INTS6L: variants seen among roughly 807,000 people sequenced by gnomAD.
The protein encoded by INTS6L is integrator complex subunit 6-like.
In INTS6L, 18 loss-of-function variants were observed where a neutral mutation model predicts 64.7. The observed-to-expected ratio is 0.28, with a 90% CI of 0.19 to 0.41. INTS6L has a LOEUF of 0.41. Among genes scored for constraint, INTS6L ranks in the 10% least tolerant of loss-of-function variants. The pLI, the probability that INTS6L is intolerant of heterozygous loss-of-function variation, is 1.00. For missense variants in INTS6L, 533 were observed against 661.0 expected (o/e 0.81, Z 2.12); for synonymous variants, 227 against 235.9 (o/e 0.96, Z 0.34).
intron 6 of INTS6L, 23 bp from the exon 7 acceptor site, chrX:135,549,618 GT>G (rs2086446869): frequency 8.4e-7 from 1 of 1,190,613 alleles, no homozygotes; most frequent in Non-Finnish European, 1.1e-6. Context: ...TCACGCCTTA[GT>G]TTGTCTTTTG....
chrX:135,575,785 AGT>A (rs10636685), intron 14 of INTS6L, among the ~76,000 whole-genome samples: 12,256 of 99,727 alleles, frequency 0.12, 986 homozygotes, highest in African/African-American at 0.28. Flanking sequence ...AAATGTGGGG[AGT>A]GTGTGTGTGT....
At chrX:135,577,153 T>G in intron 14 of INTS6L, 40 bp from the exon 15 acceptor site, 1 of 1,172,025 alleles carries the variant, frequency 8.5e-7, no homozygotes, top group East Asian at 3.0e-5. Context: ...TAGTGGAATT[T>G]TGGTCTTTAA....
At chrX:135,555,660 A>G (rs782480000) in intron 8 of INTS6L, among the ~76,000 whole-genome samples, 4 of 111,801 alleles carry the variant, frequency 3.6e-5, no homozygotes, top group African/African-American at 9.8e-5. Flanking sequence ...AATATAATTT[A>G]TAGGAGAATT....
At chrX:135,555,585 T>C (rs1399336310) in intron 8 of INTS6L, among the ~76,000 whole-genome samples, 1 of 112,368 alleles carries the variant, frequency 8.9e-6, no homozygotes, top group Non-Finnish European at 1.9e-5. Flanking sequence ...TAAGTAAATA[T>C]TTGGGTACTG....
chrX:135,577,395 C>T lies in INTS6L; in HGVS notation c.2087C>T (p.Pro696Leu), dbSNP rs782380206. The change falls in exon 15 of 18, where the codon CCA becomes CTA. Residue 696 changes from proline (P) to leucine (L), a missense_variant. Coordinates refer to ENST00000639893, the MANE Select transcript of INTS6L (RefSeq NM_001351601.3). ...PPSASWFPSY[P>L]NLIKPTLVHT... is the part of the protein sequence containing the mutation. Reference sequence around the variant, plus strand: ...TCAGCCTCGTGGTTCCCATCTTATCCAAACCTCATAAAACCCACCCTTGTA... The same window carrying T: ...TCAGCCTCGTGGTTCCCATCTTATCTAAACCTCATAAAACCCACCCTTGTA... 3.7e-5 allele frequency: 45 copies of T among 1,210,070 alleles called. No individual in the cohort carries two copies. In the South Asian group the frequency reaches 7.2e-4, roughly 19 times the overall value.
At chrX:135,556,415 G>A in intron 9 of INTS6L, 115 bp downstream of exon 9, 2 of 673,981 alleles carry the variant, frequency 3.0e-6, no homozygotes, top group Non-Finnish European at 4.1e-6. Flanking sequence ...TGAAAGGATA[G>A]AATTTGCATA....
At chrX:135,559,231 G>A (rs1602955560) in intron 9 of INTS6L, among the ~76,000 whole-genome samples, 1 of 112,117 alleles carries the variant, frequency 8.9e-6, no homozygotes. Flanking sequence ...TGAAGATACA[G>A]AACATTTTCA....
intron 9 of INTS6L, among the ~76,000 whole-genome samples, chrX:135,566,797 T>C (rs1165081414): frequency 8.9e-6 from 1 of 111,914 alleles, no homozygotes; most frequent in African/African-American, 3.2e-5. Flanking sequence ...GTAACAACTT[T>C]TTTTTTCGTT....
intron 2 of INTS6L, among the ~76,000 whole-genome samples, chrX:135,526,259 A>G (rs1321388982): frequency 9.0e-6 from 1 of 111,551 alleles, no homozygotes; most frequent in Admixed American, 9.5e-5. Context: ...TTTAAATAAA[A>G]TAAAGTCATT....
intron 2 of INTS6L, among the ~76,000 whole-genome samples, 155 bp from the exon 3 acceptor site, chrX:135,545,268 T>C (rs1251426403): frequency 8.9e-6 from 1 of 112,478 alleles, no homozygotes; most frequent in African/African-American, 3.2e-5. Flanking sequence ...CGAAACTGCT[T>C]GCTTTAGTTC....
chrX:135,574,900 C>T (rs1448097801), intron 13 of INTS6L, among the ~76,000 whole-genome samples, 184 bp from the exon 14 acceptor site: 3 of 112,042 alleles, frequency 2.7e-5, no homozygotes, highest in East Asian at 5.6e-4. Context: ...GCAGTAGTAA[C>T]GGTAGACTAA....
chrX:135,555,362 G>C (rs2086622991), intron 8 of INTS6L, among the ~76,000 whole-genome samples: 1 of 111,757 alleles, frequency 8.9e-6, no homozygotes. Context: ...AAGATGCATG[G>C]AGCAAAGACT....
intron 2 of INTS6L, among the ~76,000 whole-genome samples, chrX:135,538,288 A>G (rs949049694): frequency 1.3e-4 from 15 of 112,631 alleles, no homozygotes; most frequent in Admixed American, 2.8e-4. Flanking sequence ...CATTTCAACA[A>G]TGTTCACAAC....
chrX:135,552,013 C>A lies in INTS6L; in HGVS notation c.926C>A (p.Pro309His), dbSNP rs1404533528. ...TTTTAGCCTCCACGAACATCTCATC[C>A]TGTTGTGAGGTTCTCCTGTGTAGAT... ...LPSLPPRTSH[P>H]VVRFSCVDCE... The change falls in exon 8 of 18, where the codon CCT (proline) becomes CAT (histidine). Residue 309 changes from proline (P) to histidine (H), a missense_variant. Transcript: ENST00000639893. The A allele has an allele frequency of 8.5e-7, 1 of 1,178,614 alleles. No individual in the cohort carries two copies. Among genetic ancestry groups the A allele is most frequent in the Non-Finnish European group, 1.1e-6 (1 of 883,336 alleles).
rs147342824 is a variant in INTS6L at position 135,547,199 on chromosome X, A to G, written c.676A>G (p.Lys226Glu). 10 of 1,209,646 alleles carry G rather than the reference A, an allele frequency of 8.3e-6. No individual in the cohort carries two copies. The highest frequency in any genetic ancestry group is 1.7e-5 in the African/African-American group (1 of 57,312). ...TCAATGTTTAGAATCTCTAGTTCAAAAAGTTCAGAGTGGTGTAGTTATTAA... is the reference window on the plus strand; with the variant it reads ...TCAATGTTTAGAATCTCTAGTTCAAGAAGTTCAGAGTGGTGTAGTTATTAA... ...LNQCLESLVQ[K>E]VQSGVVINFE... The change falls in exon 6 of 18, where the codon AAA (lysine) becomes GAA (glutamate). Residue 226 changes from lysine (K) to glutamate (E), a missense_variant. Lys to Glu is a moderately conservative substitution (Grantham distance 56). Transcript: ENST00000639893.
At chrX:135,534,262 G>C (rs1278878888) in intron 2 of INTS6L, among the ~76,000 whole-genome samples, 1 of 108,796 alleles carries the variant, frequency 9.2e-6, no homozygotes, top group Admixed American at 1.0e-4. Flanking sequence ...AAACAAAATG[G>C]TGAACTATGT....
In INTS6L at chrX:135,569,341, C is replaced by A; in HGVS notation, c.1197C>A (p.Asp399Glu). 1 of 1,166,846 alleles carries A rather than the reference C, an allele frequency of 8.6e-7. No individual in the cohort carries two copies. Among genetic ancestry groups the A allele is most frequent in the Non-Finnish European group, 1.1e-6 (1 of 872,102 alleles). The change falls in exon 10 of 18, where the codon GAC becomes GAA. Residue 399 changes from aspartate (D) to glutamate (E), a missense_variant. Transcript: ENST00000639893. Reference sequence around the variant, plus strand: ...TATTTTATTTTTCTATTACAGATGACTTGTTTAAAGTTCACAAGCTTAAGC... The same window carrying A: ...TATTTTATTTTTCTATTACAGATGAATTGTTTAAAGTTCACAAGCTTAAGC... Reference protein sequence around the residue: ...NYPVLLPLLDDLFKVHKLKPN... With the variant: ...NYPVLLPLLDELFKVHKLKPN...
At chrX:135,547,743 G>T (rs1556515645) in intron 6 of INTS6L, among the ~76,000 whole-genome samples, 1 of 111,711 alleles carries the variant, frequency 9.0e-6, no homozygotes, top group East Asian at 2.8e-4. Flanking sequence ...TATTTTCCCG[G>T]TCACTTTTTC....
chrX:135,561,430 G>A (rs1171220795), intron 9 of INTS6L, among the ~76,000 whole-genome samples: 1 of 111,796 alleles, frequency 8.9e-6, no homozygotes, highest in East Asian at 2.8e-4. Context: ...AGTTCTATGT[G>A]CTGATATTTT....
Sources: allele counts gnomAD v4.1 joint callset (sites outside exome capture counted in the v4.1 genomes callset), GRCh38; gene constraint gnomAD v4.1.1; transcripts MANE v1.5; gene names NCBI Gene and HGNC (gene_info 2026-07-23, HGNC 2026-07-21).